NT5DC1: variants seen among roughly 807,000 people sequenced by gnomAD.
NT5DC1 encodes 5'-nucleotidase domain-containing protein 1.
A neutral mutation model predicts 59.4 loss-of-function variants in NT5DC1; 42 were observed. The ratio of observed to expected loss-of-function variants is 0.71; its 90% CI spans 0.55 to 0.92. The LOEUF (loss-of-function observed/expected upper bound fraction) is 0.92. NT5DC1 is among the 40% of genes least tolerant of loss of function. The pLI is 0.00. For missense variants in NT5DC1, 501 were observed against 537.1 expected (o/e 0.93, Z 0.66); for synonymous variants, 172 against 188.1 (o/e 0.91, Z 0.70).
At chr6:116,181,612 T>A (rs949572672) in intron 6 of NT5DC1, among the ~76,000 whole-genome samples, 10 of 152,222 alleles carry the variant, frequency 6.6e-5, no homozygotes, top group Non-Finnish European at 1.3e-4. Flanking sequence ...TTTTTTTCAT[T>A]ACATTAAAAT....
rs528425132 is a variant in NT5DC1 at position 116,114,239 on chromosome 6, C to CAGAA, written c.365-1450_365-1447dup. The stretch of plus-strand genomic sequence containing the variant: ...CTGGCACAGCCATTTTGTGAACTAA[C>CAGAA]AGAAAACTTTGATTTTTTTTTTATA... On this transcript the variant is annotated intron_variant, in intron 4 of 11. Coordinates refer to ENST00000319550, the MANE Select transcript of NT5DC1 (RefSeq NM_152729.3). 2.6e-3 allele frequency among the ~76,000 whole-genome samples: 401 copies of CAGAA among 151,928 alleles called. 10 individuals are homozygous for CAGAA. The South Asian group carries it at 0.044, about 17-fold the overall frequency.
At chr6:116,106,690 A>T (rs1778774582) in intron 2 of NT5DC1, among the ~76,000 whole-genome samples, 1 of 152,224 alleles carries the variant, frequency 6.6e-6, no homozygotes, top group South Asian at 2.1e-4. Context: ...ATCTTTTAAG[A>T]ACTATAAGAG....
intron 6 of NT5DC1, among the ~76,000 whole-genome samples, chr6:116,134,937 A>G (rs9481606): frequency 0.25 from 38,648 of 152,060 alleles, 5,290 homozygotes; most frequent in Middle Eastern, 0.35. Flanking sequence ...GGGAGTTTAG[A>G]GAGATTTCTT....
At chr6:116,206,653 C>A (rs984777074) in intron 6 of NT5DC1, among the ~76,000 whole-genome samples, 1 of 151,968 alleles carries the variant, frequency 6.6e-6, no homozygotes, top group Non-Finnish European at 1.5e-5. Flanking sequence ...GAATTTCTTT[C>A]TGCCATCCCT....
intron 8 of NT5DC1, among the ~76,000 whole-genome samples, chr6:116,223,574 GGAAT>G (rs1011930241): frequency 1.1e-4 from 16 of 152,260 alleles, no homozygotes; most frequent in Admixed American, 6.5e-4. Context: ...GGAGAGAGGT[GGAAT>G]GAAAGGGATT....
chr6:116,210,567 A>G (rs981988115), intron 6 of NT5DC1, among the ~76,000 whole-genome samples: 1 of 151,962 alleles, frequency 6.6e-6, no homozygotes, highest in South Asian at 2.1e-4. Context: ...CAAAACGGGA[A>G]TCATATAGGA....
chr6:116,120,961 A>G (rs533520389), intron 6 of NT5DC1: 5 of 1,613,528 alleles, frequency 3.1e-6, no homozygotes, highest in Non-Finnish European at 3.4e-6. Flanking sequence ...CTGGTTTTCC[A>G]TCTGACCCAG....
At chr6:116,170,818 C>A (rs1330681093) in intron 6 of NT5DC1, among the ~76,000 whole-genome samples, 1 of 152,146 alleles carries the variant, frequency 6.6e-6, no homozygotes, top group South Asian at 2.1e-4. Flanking sequence ...GAAGATCTTG[C>A]AGTTCTCACT....
intron 6 of NT5DC1, among the ~76,000 whole-genome samples, chr6:116,134,613 G>A (rs974081342): frequency 6.6e-6 from 1 of 152,136 alleles, no homozygotes; most frequent in Non-Finnish European, 1.5e-5. Context: ...AGGGCCATTC[G>A]CATGGTGCTG....
intron 6 of NT5DC1, among the ~76,000 whole-genome samples, chr6:116,189,552 A>G (rs2114489255): frequency 6.6e-6 from 1 of 152,100 alleles, no homozygotes; most frequent in Middle Eastern, 3.4e-3. Flanking sequence ...TGAGTATTGG[A>G]TGACATTGAG....
intron 6 of NT5DC1, among the ~76,000 whole-genome samples, chr6:116,218,493 C>T (rs947400159): frequency 2.0e-5 from 3 of 152,058 alleles, no homozygotes; most frequent in African/African-American, 4.8e-5. Context: ...TAGTAAGTTA[C>T]GAGAGAGACA....
chr6:116,120,383 C>G, intron 6 of NT5DC1: 4 of 1,614,218 alleles, frequency 2.5e-6, no homozygotes, highest in Non-Finnish European at 3.4e-6. Context: ...ATGCTGTTGC[C>G]TGTTATACAA....
At chr6:116,198,744 T>TA (rs923636318) in intron 6 of NT5DC1, among the ~76,000 whole-genome samples, 2 of 151,574 alleles carry the variant, frequency 1.3e-5, no homozygotes, top group African/African-American at 2.4e-5. Context: ...AATATTTTTT[T>TA]AAAAAAAGGA....
intron 6 of NT5DC1, among the ~76,000 whole-genome samples, chr6:116,142,624 C>T (rs899239202): frequency 6.6e-6 from 1 of 152,068 alleles, no homozygotes; most frequent in Non-Finnish European, 1.5e-5. Context: ...ATGTCTTCAG[C>T]GAGCTGGGCA....
Position 116,246,468 on chromosome 6 carries a change from T to TAAACACACAC in NT5DC1, c.*2445_*2446insAACACACACA. ...ATTCATATCCAAAAATAACTTTAAA[T>TAAACACACAC]ACACACACACACACACACACACACA... is the stretch of plus-strand genomic sequence containing the variant. On this transcript the variant is annotated 3_prime_UTR_variant, in exon 12 of 12. Coordinates refer to ENST00000319550, the MANE Select transcript of NT5DC1 (RefSeq NM_152729.3). 1 of 149,562 alleles carries TAAACACACAC rather than the reference T, an allele frequency of 6.7e-6. No homozygotes were observed. The highest frequency in any genetic ancestry group is 2.0e-4 in the East Asian group (1 of 5,104). The allele number at this position is 149,562 out of a possible 1,614,324, so 9.3% of individuals were successfully genotyped here.
chr6:116,105,356 G>A (rs1267969288), intron 1 of NT5DC1, among the ~76,000 whole-genome samples: 3 of 152,150 alleles, frequency 2.0e-5, no homozygotes, highest in Non-Finnish European at 4.4e-5. Flanking sequence ...CTCCCTAAAA[G>A]TATGACATGT....
intron 6 of NT5DC1, chr6:116,121,436 A>G: frequency 2.5e-6 from 4 of 1,613,662 alleles, no homozygotes; most frequent in East Asian, 2.2e-5. Flanking sequence ...CTGTCCTGGA[A>G]CCCCATTTTC....
At position 116,106,339 on chromosome 6, in the gene NT5DC1, A is replaced by AT; in HGVS notation, c.185+4_185+5insT. 1 of 1,293,080 alleles carries AT rather than the reference A, an allele frequency of 7.7e-7. No individual in the cohort carries two copies. The highest frequency in any genetic ancestry group is 1.1e-6 in the Non-Finnish European group (1 of 922,380). The allele number at this position is 1,293,080 out of a possible 1,614,324, so 80.1% of individuals were successfully genotyped here. On this transcript the variant is annotated splice_donor_region_variant and intron_variant, in intron 2 of 11. Transcript: ENST00000319550. ...CCCCAGAGGATTGGGATTTCTGGTA[A>AT]GTTCTTTTTTTTTTTTTTTTTTTAA...
intron 6 of NT5DC1, among the ~76,000 whole-genome samples, chr6:116,154,085 AC>A (rs200308886): frequency 0.011 from 1,643 of 148,472 alleles, 12 homozygotes; most frequent in Non-Finnish European, 0.016. Flanking sequence ...GAAGTGATTG[AC>A]CAAAGAGATG....
Sources: allele counts gnomAD v4.1 joint callset (sites outside exome capture counted in the v4.1 genomes callset), GRCh38; gene constraint gnomAD v4.1.1; transcripts MANE v1.5; gene names NCBI Gene and HGNC (gene_info 2026-07-23, HGNC 2026-07-21).